Variants in CHRM3 observed in about 807,000 individuals in gnomAD.
The protein encoded by CHRM3 is muscarinic acetylcholine receptor M3.
Under a neutral mutation model 41.8 loss-of-function variants are expected in CHRM3, and 11 were observed. The ratio of observed to expected loss-of-function variants is 0.26; its 90% CI spans 0.17 to 0.44. The LOEUF (loss-of-function observed/expected upper bound fraction) is 0.44, where lower values mean the gene tolerates loss of function less well. CHRM3 is among the 20% of genes least tolerant of loss of function. The pLI, the probability that CHRM3 is intolerant of heterozygous loss-of-function variation, is 1.00. For synonymous variants in CHRM3, 297 were observed against 301.4 expected (o/e 0.99, Z 0.15); for missense variants, 571 against 745.4 (o/e 0.77, Z 2.72).
At chr1:239,675,106 C>A (rs550861567) in intron 4 of CHRM3, among the ~76,000 whole-genome samples, 1 of 152,220 alleles carries the variant, frequency 6.6e-6, no homozygotes, top group Non-Finnish European at 1.5e-5. Flanking sequence ...TCTCTAGAAA[C>A]CTGATCTCTC....
intron 6 of CHRM3, among the ~76,000 whole-genome samples, chr1:239,835,282 T>C (rs1673218581): frequency 6.6e-6 from 1 of 152,244 alleles, no homozygotes; most frequent in South Asian, 2.1e-4. Flanking sequence ...TGAACAGAGC[T>C]GGCTCTGCCT....
intron 1 of CHRM3, among the ~76,000 whole-genome samples, chr1:239,394,153 T>C (rs1215296473): frequency 6.6e-6 from 1 of 152,210 alleles, no homozygotes; most frequent in African/African-American, 2.4e-5. Context: ...AGATGTTGCG[T>C]GAATTTCTTA....
chr1:239,423,214 T>G (rs953033342), intron 1 of CHRM3, among the ~76,000 whole-genome samples: 5 of 152,210 alleles, frequency 3.3e-5, no homozygotes, highest in African/African-American at 1.2e-4. Flanking sequence ...TTTCTTGATC[T>G]CTTTTAGAAC....
At chr1:239,849,435 A>C (rs1674524082) in intron 6 of CHRM3, among the ~76,000 whole-genome samples, 1 of 152,208 alleles carries the variant, frequency 6.6e-6, no homozygotes, top group African/African-American at 2.4e-5. Context: ...TACTGTCTGC[A>C]TATAAAGGTT....
At chr1:239,894,639 T>G (rs961577200) in intron 6 of CHRM3, among the ~76,000 whole-genome samples, 12 of 151,996 alleles carry the variant, frequency 7.9e-5, no homozygotes, top group African/African-American at 2.9e-4. Flanking sequence ...CACCATGTTA[T>G]CCAGGCTGGT....
At chr1:239,790,976 A>T (rs185668397) in intron 5 of CHRM3, among the ~76,000 whole-genome samples, 3 of 149,198 alleles carry the variant, frequency 2.0e-5, no homozygotes. Context: ...GAGAGATTTT[A>T]TTTTGTTTTT....
chr1:239,717,484 CAT>C (rs1491021752), intron 5 of CHRM3, among the ~76,000 whole-genome samples: 1 of 146,676 alleles, frequency 6.8e-6, no homozygotes, highest in Non-Finnish European at 1.5e-5. Flanking sequence ...CACACACACA[CAT>C]GATTTTTATC....
At chr1:239,790,872 G>A (rs1669288562) in intron 5 of CHRM3, among the ~76,000 whole-genome samples, 1 of 152,096 alleles carries the variant, frequency 6.6e-6, no homozygotes, top group Admixed American at 6.5e-5. Flanking sequence ...GCAGGATAAA[G>A]TCTCATCTAC....
chr1:239,489,823 T>G (rs1156245670), intron 1 of CHRM3, among the ~76,000 whole-genome samples: 3 of 152,172 alleles, frequency 2.0e-5, no homozygotes, highest in African/African-American at 7.2e-5. Flanking sequence ...TGTTTTGTTG[T>G]TAAGTGGTGG....
chr1:239,453,746 A>G (rs1334689686), intron 1 of CHRM3, among the ~76,000 whole-genome samples: 1 of 152,202 alleles, frequency 6.6e-6, no homozygotes, highest in Non-Finnish European at 1.5e-5. Flanking sequence ...ATGTCTGTTG[A>G]GCAGCAGATC....
chr1:239,823,542 C>A (rs1672218114), intron 5 of CHRM3, among the ~76,000 whole-genome samples: 1 of 152,098 alleles, frequency 6.6e-6, no homozygotes, highest in Non-Finnish European at 1.5e-5. Flanking sequence ...GATCCCCGCC[C>A]TCTCAGCCTC....
At chr1:239,516,001 G>T (rs183260133) in intron 2 of CHRM3, among the ~76,000 whole-genome samples, 79 of 152,210 alleles carry the variant, frequency 5.2e-4, no homozygotes, top group South Asian at 3.9e-3. Flanking sequence ...TTACTATCAA[G>T]AGCTTAGATA....
chr1:239,588,454 G>A (rs2148622360), intron 3 of CHRM3, among the ~76,000 whole-genome samples: 1 of 152,252 alleles, frequency 6.6e-6, no homozygotes. Context: ...TTAATTCAAT[G>A]TATGGCCATA....
chr1:239,429,149 A>C (rs930769954), intron 1 of CHRM3, among the ~76,000 whole-genome samples: 9 of 152,230 alleles, frequency 5.9e-5, no homozygotes, highest in African/African-American at 2.2e-4. Context: ...AGTACATTTG[A>C]TATTACAAAT....
intron 3 of CHRM3, among the ~76,000 whole-genome samples, chr1:239,549,911 C>T (rs944459886): frequency 2.6e-5 from 4 of 151,594 alleles, no homozygotes; most frequent in African/African-American, 9.7e-5. Context: ...TTACATATAA[C>T]ATGGTAAAGG....
intron 4 of CHRM3, among the ~76,000 whole-genome samples, chr1:239,672,340 G>C (rs7549504): frequency 1.3e-5 from 2 of 151,976 alleles, no homozygotes; most frequent in Non-Finnish European, 2.9e-5. Context: ...CTCAGAAAAG[G>C]CTTCAGAAAA....
intron 6 of CHRM3, among the ~76,000 whole-genome samples, chr1:239,901,356 G>A (rs79980305): frequency 6.6e-6 from 1 of 151,422 alleles, no homozygotes; most frequent in East Asian, 1.9e-4. Flanking sequence ...CCTCATTCGG[G>A]ACATTACAGA....
chr1:239,429,746 C>T (rs1662671529), intron 1 of CHRM3, among the ~76,000 whole-genome samples: 1 of 147,548 alleles, frequency 6.8e-6, no homozygotes, highest in African/African-American at 2.5e-5. Flanking sequence ...TATTTTCTCC[C>T]TTCTGTTAGT....
chr1:239,553,379 C>A (rs1660052890), intron 3 of CHRM3, among the ~76,000 whole-genome samples: 1 of 151,996 alleles, frequency 6.6e-6, no homozygotes, highest in African/African-American at 2.4e-5. Context: ...TCCGTGGGAA[C>A]CAATGTGCAT....
Sources: gnomAD v4.1 joint callset for allele counts (sites outside exome capture counted in the v4.1 genomes callset) on GRCh38, gnomAD v4.1.1 for gene constraint, MANE v1.5 for transcripts, NCBI Gene and HGNC (gene_info 2026-07-23, HGNC 2026-07-21) for gene names.